The following OSBPL3 variants were observed in gnomAD, a reference collection of about 807,000 sequenced individuals.
The protein encoded by OSBPL3 is oxysterol-binding protein-related protein 3.
A neutral mutation model predicts 120.1 loss-of-function variants in OSBPL3; 65 were observed. The ratio of observed to expected loss-of-function variants is 0.54; its 90% CI spans 0.44 to 0.67. OSBPL3 has a LOEUF of 0.67. Among genes scored for constraint, OSBPL3 ranks in the 30% least tolerant of loss-of-function variants. OSBPL3 has a pLI of 0.00. For synonymous variants in OSBPL3, 416 were observed against 402.6 expected, an observed-to-expected ratio of 1.03 and a Z score of -0.40; for missense variants, 1,004 against 1,082.1, an observed-to-expected ratio of 0.93 and a Z score of 1.01.
At position 24,879,489 on chromosome 7, in the gene OSBPL3, C is replaced by A. The variant is rs1045794036; in HGVS notation, c.97-7420G>T. ...GAAGTGAATATCCAGATAATTCAGG[C>A]CCCAGAATGTTTCAAGTCTTACTAC... On this transcript the variant is annotated intron_variant, in intron 2 of 22. Transcript: ENST00000313367. This position sits in a 1 kb window ranked among gnomAD's most constrained non-coding sequence, Gnocchi z 5.6. Among the ~76,000 whole-genome samples the A allele has an allele frequency of 6.6e-6, 1 of 152,182 alleles. No individual in the cohort carries two copies. Among genetic ancestry groups the A allele is most frequent in the Non-Finnish European group, 1.5e-5 (1 of 68,028 alleles).
intron 14 of OSBPL3, among the ~76,000 whole-genome samples, chr7:24,836,613 T>C (rs543222355): frequency 6.6e-6 from 1 of 152,310 alleles, no homozygotes; most frequent in African/African-American, 2.4e-5. Context: ...GTGCCTGTTT[T>C]CAAATGAAAT....
intron 1 of OSBPL3, among the ~76,000 whole-genome samples, chr7:24,917,446 T>C (rs10236671): frequency 0.15 from 18,658 of 121,990 alleles, 2,232 homozygotes; most frequent in East Asian, 0.5. Context: ...TATATATATA[T>C]ACACACACAT....
Position 24,822,891 on chromosome 7 carries a change from T to A in OSBPL3, c.1885-2653A>T, listed in dbSNP as rs545702554. 1.1e-4 allele frequency among the ~76,000 whole-genome samples: 16 copies of A among 152,368 alleles called. No individual in the cohort carries two copies. Among genetic ancestry groups the A allele is most frequent in the Middle Eastern group, 6.8e-3 (2 of 294 alleles). On this transcript the variant is annotated intron_variant, in intron 16 of 22. Transcript: ENST00000313367. The surrounding 1 kb of genome is among the most constrained non-coding windows in gnomAD (Gnocchi z 5.8). The stretch of plus-strand genomic sequence containing the variant: ...ATGTTTAGATGGGTTCAACACATTT[T>A]CTGAATAAGTCTCAACCTTCAAATA...
At position 24,930,690 on chromosome 7, in the gene OSBPL3, G is replaced by T. The variant is rs1274874843; in HGVS notation, c.-149-38069C>A. 1.3e-5 allele frequency among the ~76,000 whole-genome samples: 2 copies of T among 152,120 alleles called. No individual in the cohort carries two copies. Among genetic ancestry groups the T allele is most frequent in the African/African-American group, 2.4e-5 (1 of 41,428 alleles). ...CTTAAAAAATTTAATGAAAGTTATG[G>T]TCCAGTCTTTCCAGAAATGATTATA... On this transcript the variant is annotated intron_variant, in intron 1 of 22. Coordinates refer to ENST00000313367, the MANE Select transcript of OSBPL3 (RefSeq NM_015550.4). This position sits in a 1 kb window ranked among gnomAD's most constrained non-coding sequence, Gnocchi z 4.4.
chr7:24,800,636 T>C (rs924264323), intron 22 of OSBPL3, among the ~76,000 whole-genome samples: 6 of 151,934 alleles, frequency 3.9e-5, no homozygotes, highest in African/African-American at 1.5e-4. Context: ...TTTGTATTTT[T>C]AGTAGAGACG....
chr7:24,894,601 G>A lies in OSBPL3; in HGVS notation c.-149-1980C>T, dbSNP rs1179987605. 6.6e-6 allele frequency among the ~76,000 whole-genome samples: 1 copy of A among 152,164 alleles called. No homozygotes were observed. On this transcript the variant is annotated intron_variant, in intron 1 of 22. Coordinates refer to ENST00000313367, the MANE Select transcript of OSBPL3 (RefSeq NM_015550.4). This position sits in a 1 kb window ranked among gnomAD's most constrained non-coding sequence, Gnocchi z 4.1. The stretch of plus-strand genomic sequence containing the variant: ...GGGGGCATCCACTGCTATGGCAACA[G>A]ATTCCACAGTGGATTAGGAATACCA...
In OSBPL3 at chr7:24,838,331, A is replaced by AC. The variant is rs1307363884; in HGVS notation, c.1495+2358_1495+2359insG. Among the ~76,000 whole-genome samples, 831 of 151,894 alleles carry AC rather than the reference A, an allele frequency of 5.5e-3. 12 individuals carry two copies. Among genetic ancestry groups the AC allele is most frequent in the African/African-American group, 0.019 (798 of 41,246 alleles). On this transcript the variant is annotated intron_variant, in intron 14 of 22. Coordinates refer to ENST00000313367, the MANE Select transcript of OSBPL3 (RefSeq NM_015550.4). ...GCCAACATGGTGAAACCCTGTTTCTATTAAAATACAAAAAATTAGCTGGGC... is the reference window on the plus strand; with the variant it reads ...GCCAACATGGTGAAACCCTGTTTCTACTTAAAATACAAAAAATTAGCTGGGC...
rs578152860 is a variant in OSBPL3, at chr7:24,979,839, G to GC, written c.-150+46dup. On this transcript the variant is annotated intron_variant, in intron 1 of 22. Coordinates refer to ENST00000313367, the MANE Select transcript of OSBPL3 (RefSeq NM_015550.4). Reference sequence around the variant, plus strand: ...CCTTCCGAGCCCGCGCCGCCGCCAGGCCCCCCGACACCCAGGCCCCATTTA... The same window carrying GC: ...CCTTCCGAGCCCGCGCCGCCGCCAGGCCCCCCCGACACCCAGGCCCCATTTA... 8.6e-4 allele frequency: 836 copies of GC among 969,254 alleles called. 25 individuals carry two copies. In the South Asian group the frequency reaches 0.014, roughly 16 times the overall value. The allele number at this position is 969,254 out of a possible 1,614,324, so 60.0% of individuals were successfully genotyped here.
rs140661835 is a variant in OSBPL3 at position 24,877,706 on chromosome 7, G to A, written c.97-5637C>T. On this transcript the variant is annotated intron_variant, in intron 2 of 22. Transcript: ENST00000313367. This position sits in a 1 kb window ranked among gnomAD's most constrained non-coding sequence, Gnocchi z 4.8. ...CTGGATTAGAGTGAGTTGGCACTCA[G>A]GACAGAAAACAAGAGGGATGTTGGT... Among the ~76,000 whole-genome samples the A allele has an allele frequency of 2.2e-3, 329 of 152,274 alleles. 1 individual carries two copies. Among genetic ancestry groups the A allele is most frequent in the African/African-American group, 7.7e-3 (320 of 41,554 alleles).
Position 24,980,042 on chromosome 7 carries a change from TGGCCACTTGCA to T in OSBPL3, c.-317_-307del. 1 of 985,188 alleles carries T rather than the reference TGGCCACTTGCA, an allele frequency of 1.0e-6. No individual in the cohort carries two copies. Among genetic ancestry groups the T allele is most frequent in the African/African-American group, 1.7e-5 (1 of 57,252 alleles). 61.0% of individuals were successfully genotyped at this position (985,188 alleles called of 1,614,324 possible). On this transcript the variant is annotated 5_prime_UTR_variant, in exon 1 of 23. Coordinates refer to ENST00000313367, the MANE Select transcript of OSBPL3 (RefSeq NM_015550.4). ...CGGCCGCAGGAGTCGGGGGCGGGGA[TGGCCACTTGCA>T]GACAGACTGCGGGGCCGGAGCCGCG... is the stretch of plus-strand genomic sequence containing the variant.
At chr7:24,904,950 TGTGTGTGTGTGA>T (rs1427866417) in intron 1 of OSBPL3, among the ~76,000 whole-genome samples, 1 of 150,886 alleles carries the variant, frequency 6.6e-6, no homozygotes, top group South Asian at 2.1e-4. Flanking sequence ...TGTGTGTGTG[TGTGTGTGTGTGA>T]ATAAAGTTAA....
chr7:24,981,175 G>A (rs1231971136), upstream of OSBPL3, among the ~76,000 whole-genome samples: 3 of 152,140 alleles, frequency 2.0e-5, no homozygotes, highest in African/African-American at 7.2e-5. The surrounding 1 kb of genome is among the most constrained non-coding windows in gnomAD (Gnocchi z 7.3). Context: ...AAAATAAAAG[G>A]CTGACAGACT....
chr7:24,870,403 C>T (rs976385940), intron 5 of OSBPL3, among the ~76,000 whole-genome samples: 11 of 152,132 alleles, frequency 7.2e-5, no homozygotes, highest in Admixed American at 2.6e-4. Flanking sequence ...ACGTTTTAAC[C>T]TATGGTAAAT....
chr7:24,903,107 A>C (rs1807310743), intron 1 of OSBPL3, among the ~76,000 whole-genome samples: 2 of 152,250 alleles, frequency 1.3e-5, no homozygotes, highest in African/African-American at 4.8e-5. Flanking sequence ...GTGGTTTTCT[A>C]ACTGGCAAAA....
In OSBPL3 at chr7:24,834,478, C is replaced by A; in HGVS notation, c.1746+8G>T. 6.2e-7 allele frequency: 1 copy of A among 1,604,366 alleles called. No homozygotes were observed. The highest frequency in any genetic ancestry group is 8.5e-7 in the Non-Finnish European group (1 of 1,174,534). On this transcript the variant is annotated splice_region_variant and intron_variant, in intron 15 of 22. Coordinates refer to ENST00000313367, the MANE Select transcript of OSBPL3 (RefSeq NM_015550.4). The surrounding 1 kb of genome is among the most constrained non-coding windows in gnomAD (Gnocchi z 5.2). ...CTGGACAGTGGCAAGGGAAGGCTGA[C>A]TCCTCACCATCCTTTCCAGGGGGCT... is the stretch of plus-strand genomic sequence containing the variant.
At chr7:24,845,826 T>C (rs1477648576) in intron 12 of OSBPL3, among the ~76,000 whole-genome samples, 2 of 152,232 alleles carry the variant, frequency 1.3e-5, no homozygotes, top group Non-Finnish European at 2.9e-5. Context: ...TCATTTAACA[T>C]GCAATGAGAA....
Position 24,805,036 on chromosome 7 carries a change from C to T in OSBPL3, c.2445-599G>A, listed in dbSNP as rs116108285. On this transcript the variant is annotated intron_variant, in intron 21 of 22. Transcript: ENST00000313367. This position sits in a 1 kb window ranked among gnomAD's most constrained non-coding sequence, Gnocchi z 4.0. ...TTTGAATCATTTTAATGTGACAATG[C>T]CGCAATAAATGACCTTGTATATCCA... Among the ~76,000 whole-genome samples, 570 of 152,230 alleles carry T rather than the reference C, an allele frequency of 3.7e-3. 4 individuals are homozygous for T. Among genetic ancestry groups the T allele is most frequent in the African/African-American group, 0.013 (540 of 41,552 alleles).
rs1206133266 is a variant in OSBPL3 at position 24,968,350 on chromosome 7, C to T, written c.-150+11536G>A. The stretch of plus-strand genomic sequence containing the variant: ...AATCAGCCAAGGGCTTGGGAAGTCA[C>T]GCACAGTTGGTTCCCACATGCCGGT... On this transcript the variant is annotated intron_variant, in intron 1 of 22. Transcript: ENST00000313367. The surrounding 1 kb of genome is among the most constrained non-coding windows in gnomAD (Gnocchi z 4.6). 1.3e-5 allele frequency among the ~76,000 whole-genome samples: 2 copies of T among 152,198 alleles called. No homozygotes were observed. The highest frequency in any genetic ancestry group is 6.5e-5 in the Admixed American group (1 of 15,280).
intron 2 of OSBPL3, among the ~76,000 whole-genome samples, chr7:24,884,387 T>C (rs901281180): frequency 2.0e-5 from 3 of 152,190 alleles, no homozygotes; most frequent in African/African-American, 7.2e-5. Context: ...GGGGGAAACA[T>C]TACAGACCCC....
Sources: allele counts gnomAD v4.1 joint callset (sites outside exome capture counted in the v4.1 genomes callset), GRCh38; gene constraint gnomAD v4.1.1; non-coding constraint Gnocchi (gnomAD v3.1); transcripts MANE v1.5; gene names NCBI Gene and HGNC (gene_info 2026-07-23, HGNC 2026-07-21).